Variants in ADAP2 observed in about 807,000 individuals in gnomAD.
The protein encoded by ADAP2 is ArfGAP with dual PH domains 2.
Under a neutral mutation model 54.9 loss-of-function variants are expected in ADAP2, and 42 were observed. The ratio of observed to expected loss-of-function variants is 0.77; its 90% CI spans 0.60 to 0.99. The LOEUF (loss-of-function observed/expected upper bound fraction) is 0.99. ADAP2 is among the 50% of genes least tolerant of loss of function. The probability of loss-of-function intolerance (pLI) is 0.00; values close to 1 mark genes in which losing one functional copy is unlikely to be tolerated. For missense variants in ADAP2, 429 were observed against 480.4 expected (o/e 0.89, Z 1.00); for synonymous variants, 177 against 180.1 (o/e 0.98, Z 0.14).
At chr17:30,955,705 A>T (rs1366676987) in intron 9 of ADAP2, among the ~76,000 whole-genome samples, 1 of 151,546 alleles carries the variant, frequency 6.6e-6, no homozygotes, top group Admixed American at 6.6e-5. Context: ...CGTCTCAAAA[A>T]AAAAAAAAGA....
At chr17:30,922,133 C>A (rs1388721451) in intron 1 of ADAP2, 25 bp downstream of exon 1, 15 of 1,225,874 alleles carry the variant, frequency 1.2e-5, no homozygotes, top group South Asian at 3.8e-5. Context: ...GCGCGGGCAG[C>A]GCGAGACCCC....
chr17:30,956,427 C>A lies in ADAP2; in HGVS notation c.1069C>A (p.Arg357=). 1.2e-6 allele frequency: 2 copies of A among 1,614,150 alleles called. No homozygotes were observed. Among genetic ancestry groups the A allele is most frequent in the Non-Finnish European group, 1.7e-6 (2 of 1,180,024 alleles). The part of the protein sequence containing the change: ...KEQQEWLESL[R]GVLSSPLTPL... ...ACAGCAGGAATGGCTGGAAAGTTTG[C>A]GGGGTGTCCTGTCCAGCCCCTTGAC... The change falls in exon 10 of 11, where the codon CGG becomes AGG. Residue 357 remains arginine, a synonymous_variant. Coordinates refer to ENST00000330889, the MANE Select transcript of ADAP2 (RefSeq NM_018404.3).
intron 2 of ADAP2, among the ~76,000 whole-genome samples, chr17:30,925,563 TC>T: frequency 2.7e-5 from 4 of 149,974 alleles, no homozygotes; most frequent in Non-Finnish European, 5.9e-5. Context: ...TTCTTCTTCT[TC>T]TTCTCTTTTC....
At chr17:30,935,615 C>T (rs1388493237) in intron 5 of ADAP2, among the ~76,000 whole-genome samples, 1 of 152,090 alleles carries the variant, frequency 6.6e-6, no homozygotes, top group Admixed American at 6.6e-5. Flanking sequence ...ACCTTTGTAC[C>T]GATTTGAGAA....
chr17:30,931,005 T>C (rs1705248264), intron 3 of ADAP2, among the ~76,000 whole-genome samples: 1 of 152,178 alleles, frequency 6.6e-6, no homozygotes, highest in African/African-American at 2.4e-5. Flanking sequence ...AACTTGCTCA[T>C]GGTCACACAG....
Position 30,953,310 on chromosome 17 carries a change from A to G in ADAP2, c.764A>G (p.Asn255Ser), listed in dbSNP as rs1430870220. The change falls in exon 8 of 11, where the codon AAC becomes AGC. Residue 255 changes from asparagine (N) to serine (S), a missense_variant. Coordinates refer to ENST00000330889, the MANE Select transcript of ADAP2 (RefSeq NM_018404.3). ...ESELVPFLTR[N>S]YLKQGFMEKT... ...CAGCTCGTGCCATTCCTCACCAGGAACTACCTCAAACAAGGCTTCATGGAA... is the reference window on the plus strand; with the variant it reads ...CAGCTCGTGCCATTCCTCACCAGGAGCTACCTCAAACAAGGCTTCATGGAA... 1 of 1,614,078 alleles carries G rather than the reference A, an allele frequency of 6.2e-7. No individual in the cohort carries two copies. Among genetic ancestry groups the G allele is most frequent in the South Asian group, 1.1e-5 (1 of 91,070 alleles).
At chr17:30,954,955 T>C (rs573020108) in intron 9 of ADAP2, among the ~76,000 whole-genome samples, 41 of 152,248 alleles carry the variant, frequency 2.7e-4, no homozygotes, top group African/African-American at 8.4e-4. Flanking sequence ...GCCGTGTACT[T>C]AGTGCTCTGT....
In ADAP2 at chr17:30,956,283, C is replaced by T; in HGVS notation, c.925C>T (p.Gln309Ter). The T allele has an allele frequency of 6.2e-7, 1 of 1,614,160 alleles. No individual in the cohort carries two copies. ...CCAGGTTTTTCTTGGGAACAAGGAGCAGGGATATGAAGCCTACGAAGACCT... is the reference window on the plus strand; with the variant it reads ...CCAGGTTTTTCTTGGGAACAAGGAGTAGGGATATGAAGCCTACGAAGACCT... ...QGQVFLGNKE[Q>*]GYEAYEDLPK... The change falls in exon 10 of 11, where the codon CAG becomes TAG. Residue 309 changes from glutamine to a stop codon, truncating the protein, a stop_gained. Coordinates refer to ENST00000330889, the MANE Select transcript of ADAP2 (RefSeq NM_018404.3). LOFTEE classifies it high-confidence loss of function.
chr17:30,944,523 G>A (rs907518614), intron 5 of ADAP2, among the ~76,000 whole-genome samples: 2 of 152,094 alleles, frequency 1.3e-5, no homozygotes, highest in African/African-American at 4.8e-5. Flanking sequence ...GCAGTGGCAC[G>A]ATCTCAGCTC....
At chr17:30,927,809 T>C (rs1010232882) in intron 3 of ADAP2, among the ~76,000 whole-genome samples, 1 of 151,120 alleles carries the variant, frequency 6.6e-6, no homozygotes, top group African/African-American at 2.4e-5. Flanking sequence ...CGCTTGAAGA[T>C]AGGAGTTCAA....
intron 10 of ADAP2, among the ~76,000 whole-genome samples, chr17:30,957,183 C>A (rs1159741944): frequency 1.3e-5 from 2 of 152,182 alleles, no homozygotes; most frequent in African/African-American, 4.8e-5. Context: ...CACAGACTCT[C>A]TTGACTGTCC....
chr17:30,933,192 TG>T (rs1911620924), intron 4 of ADAP2, among the ~76,000 whole-genome samples: 1 of 152,188 alleles, frequency 6.6e-6, no homozygotes, highest in African/African-American at 2.4e-5. Context: ...TATTTATTTA[TG>T]TATTTATTTA....
At chr17:30,953,034 C>A (rs1904794494) in intron 7 of ADAP2, among the ~76,000 whole-genome samples, 1 of 152,068 alleles carries the variant, frequency 6.6e-6, no homozygotes, top group Admixed American at 6.6e-5. Flanking sequence ...ATGTCCACAC[C>A]CTGGGGTTAC....
chr17:30,924,290 C>G (rs538747443), intron 2 of ADAP2, among the ~76,000 whole-genome samples: 1 of 151,940 alleles, frequency 6.6e-6, no homozygotes, highest in African/African-American at 2.4e-5. Flanking sequence ...GGAAGATCAC[C>G]TGAGCCTGTG....
At chr17:30,939,036 G>A (rs1483645762) in intron 5 of ADAP2, among the ~76,000 whole-genome samples, 1 of 152,140 alleles carries the variant, frequency 6.6e-6, no homozygotes, top group African/African-American at 2.4e-5. Flanking sequence ...AAAGTGTTAA[G>A]GGATGAAGAA....
At position 30,956,463 on chromosome 17, in the gene ADAP2, C is replaced by T. The variant is rs201148730; in HGVS notation, c.1105C>T (p.Arg369Trp). Residue 369 changes from arginine (R) to tryptophan (W), a missense_variant, in exon 10 of 11, where the codon CGG becomes TGG. Physicochemically the swap from Arg to Trp is moderately radical, Grantham distance 101. Coordinates refer to ENST00000330889, the MANE Select transcript of ADAP2 (RefSeq NM_018404.3). ...GTCCAGCCCCTTGACGCCCCTCAAC[C>T]GGCTTAGTAAGAAGCAGGAACTGAG... ...VLSSPLTPLN[R>W]LTASTESGRS... is the part of the protein sequence containing the mutation. 33 of 1,613,954 alleles carry T rather than the reference C, an allele frequency of 2.0e-5. No homozygotes were observed. Among genetic ancestry groups the T allele is most frequent in the Middle Eastern group, 3.3e-4 (2 of 6,084 alleles).
intron 5 of ADAP2, among the ~76,000 whole-genome samples, chr17:30,934,726 G>A (rs913058678): frequency 1.1e-4 from 16 of 152,276 alleles, no homozygotes; most frequent in Admixed American, 3.9e-4. Flanking sequence ...GGAGGCAATA[G>A]TTTTATAAAG....
chr17:30,942,742 A>C (rs527659576), intron 5 of ADAP2, among the ~76,000 whole-genome samples: 4 of 152,190 alleles, frequency 2.6e-5, no homozygotes, highest in Admixed American at 1.3e-4. Context: ...AATGGGCAAA[A>C]GATGTGTACA....
At chr17:30,937,246 G>A (rs1322954625) in intron 5 of ADAP2, among the ~76,000 whole-genome samples, 1 of 151,424 alleles carries the variant, frequency 6.6e-6, no homozygotes, top group East Asian at 1.9e-4. Context: ...TTTTGAGATG[G>A]GATTTCACTC....
Sources: gnomAD v4.1 joint callset for allele counts (sites outside exome capture counted in the v4.1 genomes callset) on GRCh38, gnomAD v4.1.1 for gene constraint, MANE v1.5 for transcripts, NCBI Gene and HGNC (gene_info 2026-07-23, HGNC 2026-07-21) for gene names.